Variants in BTBD8 observed in about 807,000 individuals in gnomAD.
BTBD8 encodes the protein BTB/POZ domain-containing protein 8.
In BTBD8, 110 loss-of-function variants were observed where a neutral mutation model predicts 162.9. The observed-to-expected ratio is 0.68, with a 90% CI of 0.58 to 0.79. The LOEUF is 0.79. Ranked by LOEUF, BTBD8 falls within the 30% of genes least tolerant of loss-of-function variation. BTBD8 has a pLI of 0.00. For synonymous variants in BTBD8, 667 were observed against 716.1 expected, an observed-to-expected ratio of 0.93 and a Z score of 1.10; for missense variants, 1,905 against 2,085.4, an observed-to-expected ratio of 0.91 and a Z score of 1.68.
intron 4 of BTBD8, chr1:92,114,906 A>G: frequency 3.2e-6 from 1 of 314,670 alleles, no homozygotes; most frequent in South Asian, 3.4e-5. Context: ...TCATTAGGGC[A>G]ATGCCAGCCC....
intron 10 of BTBD8, among the ~76,000 whole-genome samples, chr1:92,167,418 A>T (rs898166020): frequency 1.3e-5 from 2 of 152,230 alleles, no homozygotes; most frequent in African/African-American, 4.8e-5. Flanking sequence ...ACATTTTAGA[A>T]ACCAAAGTCA....
intron 7 of BTBD8, among the ~76,000 whole-genome samples, chr1:92,143,184 A>G (rs563579127): frequency 1.8e-4 from 27 of 152,214 alleles, no homozygotes; most frequent in Non-Finnish European, 2.5e-4. Context: ...CGTTGGGAAA[A>G]TAAAAAGTCT....
chr1:92,170,025 CAAGAT>C (rs1053156386), intron 12 of BTBD8, among the ~76,000 whole-genome samples: 1 of 152,056 alleles, frequency 6.6e-6, no homozygotes, highest in Non-Finnish European at 1.5e-5. Flanking sequence ...TGTAAAGTAA[CAAGAT>C]AAGATCAGCA....
At chr1:92,093,811 T>G (rs1648379483) in intron 2 of BTBD8, among the ~76,000 whole-genome samples, 1 of 152,192 alleles carries the variant, frequency 6.6e-6, no homozygotes, top group Non-Finnish European at 1.5e-5. Flanking sequence ...TGCTTTATTA[T>G]CTCATGATTA....
intron 7 of BTBD8, among the ~76,000 whole-genome samples, chr1:92,146,886 G>A (rs1011371448): frequency 6.6e-6 from 1 of 151,982 alleles, no homozygotes; most frequent in Non-Finnish European, 1.5e-5. Context: ...TTCCAAGTTT[G>A]GGCAGTTATG....
chr1:92,182,022 G>C lies in BTBD8; in HGVS notation c.4339G>C (p.Glu1447Gln). The change falls in exon 17 of 18, where the codon GAG (glutamate) becomes CAG (glutamine). Residue 1447 changes from glutamate to glutamine, a missense_variant. Around this residue, in one of 3 missense-constraint regions of BTBD8, gnomAD observed 517 missense variants for 606.6 expected, o/e 0.85. Coordinates refer to ENST00000636805, the MANE Select transcript of BTBD8 (RefSeq NM_001376131.1). ...SVLLSVDECE[E>Q]LGSDEGEVHT... ...TTTACTTTCAGTCGATGAATGTGAA[G>C]AGCTGGGATCAGATGAAGGAGAAGT... is the stretch of plus-strand genomic sequence containing the variant. 1 of 1,551,438 alleles carries C rather than the reference G, an allele frequency of 6.4e-7. No individual in the cohort carries two copies. Among genetic ancestry groups the C allele is most frequent in the Non-Finnish European group, 8.7e-7 (1 of 1,146,828 alleles).
intron 9 of BTBD8, among the ~76,000 whole-genome samples, chr1:92,166,233 A>G (rs1037410653): frequency 2.6e-5 from 4 of 152,102 alleles, no homozygotes; most frequent in African/African-American, 9.7e-5. Context: ...AGTCTTTCCA[A>G]ATTTGCATAA....
intron 3 of BTBD8, among the ~76,000 whole-genome samples, chr1:92,104,965 T>C (rs1648686635): frequency 6.6e-6 from 1 of 151,378 alleles, no homozygotes; most frequent in Non-Finnish European, 1.5e-5. Context: ...GGAGTCTCAC[T>C]CCGTAACCCA....
chr1:92,106,666 A>AAAAAAAAAC (rs1648737463), intron 3 of BTBD8, among the ~76,000 whole-genome samples: 1 of 144,910 alleles, frequency 6.9e-6, no homozygotes, highest in African/African-American at 2.6e-5. Context: ...GTCTCAAAAA[A>AAAAAAAAAC]AAAAAAAAAA....
At chr1:92,104,168 A>T (rs755109895) in intron 3 of BTBD8, among the ~76,000 whole-genome samples, 2 of 152,196 alleles carry the variant, frequency 1.3e-5, no homozygotes, top group Non-Finnish European at 2.9e-5. Flanking sequence ...ATTGGATCAA[A>T]CTCATTTTCT....
Position 92,184,220 on chromosome 1 carries a change from C to T in BTBD8, c.5269C>T (p.Leu1757=), listed in dbSNP as rs1651013669. The T allele has an allele frequency of 6.4e-7, 1 of 1,551,430 alleles. No individual in the cohort carries two copies. The highest frequency in any genetic ancestry group is 1.2e-5 in the South Asian group (1 of 84,062). ...HIDTLNRWSE[L]TSPLDSSASI... ...TGACACTTTGAACAGATGGAGTGAACTAACATCTCCACTTGATTCCTCAGC... is the reference window on the plus strand; with the variant it reads ...TGACACTTTGAACAGATGGAGTGAATTAACATCTCCACTTGATTCCTCAGC... Residue 1757 remains leucine, a synonymous_variant, in exon 18 of 18, where the codon CTA becomes TTA. Coordinates refer to ENST00000636805, the MANE Select transcript of BTBD8 (RefSeq NM_001376131.1).
chr1:92,149,706 A>T (rs192536143), intron 9 of BTBD8, among the ~76,000 whole-genome samples: 127 of 152,292 alleles, frequency 8.3e-4, no homozygotes, highest in Admixed American at 1.5e-3. Flanking sequence ...TTACACTAGG[A>T]AAGTTATTTA....
Position 92,180,718 on chromosome 1 carries a change from C to T in BTBD8, c.3035C>T (p.Pro1012Leu). ...EALQSSCRPD[P>L]QKPLNDQEKE... ...CTCCAGTCATCCTGCAGGCCTGACC[C>T]ACAAAAGCCATTAAACGATCAAGAA... The change falls in exon 17 of 18, where the codon CCA becomes CTA. Residue 1012 changes from proline to leucine, a missense_variant. Transcript: ENST00000636805. 6.4e-7 allele frequency: 1 copy of T among 1,551,636 alleles called. No homozygotes were observed. Among genetic ancestry groups the T allele is most frequent in the Non-Finnish European group, 8.7e-7 (1 of 1,146,984 alleles).
Position 92,107,953 on chromosome 1 carries a change from G to T in BTBD8, c.614G>T (p.Cys205Phe). The T allele has an allele frequency of 6.2e-7, 1 of 1,614,048 alleles. No individual in the cohort carries two copies. The highest frequency in any genetic ancestry group is 1.6e-4 in the Middle Eastern group (1 of 6,062). ...TTGAAGCTTTATGTGAAACCTTGTT[G>T]CCCAGATATTGATATTTTTGTTGAT... is the stretch of plus-strand genomic sequence containing the variant. The part of the protein sequence containing the change: ...DLLKLYVKPC[C>F]PDIDIFVDGK... Residue 205 changes from cysteine to phenylalanine, a missense_variant, in exon 4 of 18, where the codon TGC becomes TTC. Around this residue, in one of 3 missense-constraint regions of BTBD8, gnomAD observed 1,374 missense variants for 1,442.7 expected, o/e 0.95. Coordinates refer to ENST00000636805, the MANE Select transcript of BTBD8 (RefSeq NM_001376131.1).
chr1:92,105,164 C>G (rs370097937), intron 3 of BTBD8, among the ~76,000 whole-genome samples: 4 of 152,146 alleles, frequency 2.6e-5, no homozygotes, highest in African/African-American at 9.7e-5. Context: ...GATCTCCTGA[C>G]CTTGTGATCC....
chr1:92,102,674 G>A lies in BTBD8; in HGVS notation c.544+5G>A. On this transcript the variant is annotated splice_donor_5th_base_variant and intron_variant, in intron 3 of 17. Transcript: ENST00000636805. Reference sequence around the variant, plus strand: ...ATGATGATTTCATTTCCAATGGTGAGGTATTTTTTATGGAGTTGTATTTAT... The same window carrying A: ...ATGATGATTTCATTTCCAATGGTGAAGTATTTTTTATGGAGTTGTATTTAT... 23 of 1,456,984 alleles carry A rather than the reference G, an allele frequency of 1.6e-5. No homozygotes were observed. Among genetic ancestry groups the A allele is most frequent in the East Asian group, 2.5e-5 (1 of 39,548 alleles). The allele number at this position is 1,456,984 out of a possible 1,614,324, so 90.3% of individuals were successfully genotyped here. A position where few individuals can be genotyped will look rare whatever the true frequency, so the allele number is the denominator to read the frequency against.
chr1:92,107,313 T>G (rs940035291), intron 3 of BTBD8, among the ~76,000 whole-genome samples: 1 of 152,184 alleles, frequency 6.6e-6, no homozygotes, highest in Non-Finnish European at 1.5e-5. Flanking sequence ...TATGTATATT[T>G]AAAAGTGTAC....
intron 2 of BTBD8, among the ~76,000 whole-genome samples, chr1:92,095,457 T>C (rs1008067281): frequency 1.4e-4 from 21 of 152,204 alleles, no homozygotes; most frequent in African/African-American, 4.8e-4. Context: ...TAACAAATTA[T>C]CTTTTCAGTG....
intron 1 of BTBD8, among the ~76,000 whole-genome samples, chr1:92,085,862 A>G (rs1471133528): frequency 6.6e-6 from 1 of 152,132 alleles, no homozygotes; most frequent in Non-Finnish European, 1.5e-5. Flanking sequence ...TGGGGCTACA[A>G]AGTTCGGCAG....
Sources: allele counts gnomAD v4.1 joint callset (sites outside exome capture counted in the v4.1 genomes callset), GRCh38; gene constraint gnomAD v4.1.1; regional missense constraint gnomAD v4.1.1; transcripts MANE v1.5; gene names NCBI Gene and HGNC (gene_info 2026-07-23, HGNC 2026-07-21).